C2CD3: variants seen among roughly 807,000 people sequenced by gnomAD.
C2CD3 encodes the protein C2 domain-containing protein 3.
Under a neutral mutation model 234.0 loss-of-function variants are expected in C2CD3, and 148 were observed. The observed-to-expected ratio is 0.63, with a 90% CI of 0.55 to 0.72. C2CD3 has a LOEUF of 0.72. Among genes scored for constraint, C2CD3 ranks in the 30% least tolerant of loss-of-function variants. The probability of loss-of-function intolerance (pLI) is 0.00; values close to 1 mark genes in which losing one functional copy is unlikely to be tolerated. For synonymous variants in C2CD3, 1,000 were observed against 1,035.4 expected, an observed-to-expected ratio of 0.97 and a Z score of 0.66; for missense variants, 2,577 against 2,811.5, an observed-to-expected ratio of 0.92 and a Z score of 1.89.
intron 2 of C2CD3, among the ~76,000 whole-genome samples, chr11:74,163,127 A>C (rs1246451935): frequency 2.0e-5 from 3 of 152,190 alleles, no homozygotes; most frequent in Non-Finnish European, 4.4e-5. Context: ...CGTTTTCAGC[A>C]TTTGTTAATA....
At chr11:74,069,487 C>A (rs1049905523) in intron 24 of C2CD3, among the ~76,000 whole-genome samples, 1 of 152,208 alleles carries the variant, frequency 6.6e-6, no homozygotes, top group African/African-American at 2.4e-5. Context: ...AAAATAACAA[C>A]TTCTCATATT....
chr11:74,029,271 A>G (rs1362382505), intron 31 of C2CD3, among the ~76,000 whole-genome samples: 1 of 152,144 alleles, frequency 6.6e-6, no homozygotes, highest in Non-Finnish European at 1.5e-5. Flanking sequence ...TTTAATAAGT[A>G]TGGTTCTCAC....
At chr11:74,124,919 C>T (rs1482927632) in intron 7 of C2CD3, among the ~76,000 whole-genome samples, 1 of 152,118 alleles carries the variant, frequency 6.6e-6, no homozygotes, top group Non-Finnish European at 1.5e-5. Flanking sequence ...ATTCACCTGT[C>T]TATGATATAC....
intron 9 of C2CD3, among the ~76,000 whole-genome samples, chr11:74,116,027 A>C (rs1956916238): frequency 6.6e-6 from 1 of 152,342 alleles, no homozygotes; most frequent in Admixed American, 6.5e-5. Flanking sequence ...AAATTCTAGA[A>C]GATAACAATG....
intron 24 of C2CD3, among the ~76,000 whole-genome samples, chr11:74,060,968 ATG>A (rs1345474204): frequency 6.6e-6 from 1 of 152,224 alleles, no homozygotes; most frequent in Non-Finnish European, 1.5e-5. Context: ...CACGAGAACT[ATG>A]TGATGTGTGC....
At chr11:74,138,329 G>A (rs1463844145) in intron 5 of C2CD3, among the ~76,000 whole-genome samples, 1 of 152,138 alleles carries the variant, frequency 6.6e-6, no homozygotes, top group East Asian at 1.9e-4. Flanking sequence ...AGAGTTTTCA[G>A]AATGTGAAAT....
chr11:74,124,714 A>AC (rs941040209), intron 7 of C2CD3, among the ~76,000 whole-genome samples: 9 of 152,196 alleles, frequency 5.9e-5, no homozygotes, highest in African/African-American at 2.2e-4. Context: ...TTTGAGACCT[A>AC]CTTCATTTTG....
chr11:74,041,955 C>T (rs935272244), intron 29 of C2CD3, 99 bp downstream of exon 29: 44 of 1,181,884 alleles, frequency 3.7e-5, no homozygotes, highest in Admixed American at 1.2e-4. Context: ...GTTCCTAGGG[C>T]GGTGGCAGGT....
intron 26 of C2CD3, 24 bp from the exon 27 acceptor site, chr11:74,049,566 G>C (rs1186596690): frequency 6.3e-7 from 1 of 1,592,534 alleles, no homozygotes; most frequent in East Asian, 2.2e-5. Context: ...AGAAGAGCTG[G>C]GCAATGTGGC....
rs780432699 is a variant in C2CD3 at position 74,138,983 on chromosome 11, G to C, written c.708-16C>G. On this transcript the variant is annotated splice_polypyrimidine_tract_variant and intron_variant, in intron 4 of 32. Coordinates refer to ENST00000334126, the MANE Select transcript of C2CD3 (RefSeq NM_001286577.2). ...GTCTTTTCCCCTGTTTTTTTAAAAA[G>C]GGAGAACATCAGCAATATATAATCT... is the stretch of plus-strand genomic sequence containing the variant. The C allele has an allele frequency of 3.8e-6, 6 of 1,591,570 alleles. No homozygotes were observed. Among genetic ancestry groups the C allele is most frequent in the Non-Finnish European group, 5.2e-6 (6 of 1,164,224 alleles).
intron 3 of C2CD3, among the ~76,000 whole-genome samples, chr11:74,151,938 T>G (rs1855693444): frequency 6.6e-6 from 1 of 152,074 alleles, no homozygotes; most frequent in African/African-American, 2.4e-5. Flanking sequence ...ATATGACTGA[T>G]GGGGTTAGAA....
chr11:74,137,020 T>C (rs567755488), intron 5 of C2CD3, among the ~76,000 whole-genome samples: 23 of 151,306 alleles, frequency 1.5e-4, no homozygotes, highest in African/African-American at 5.6e-4. Context: ...TGTTACCTTC[T>C]TTCTCTTTGC....
intron 24 of C2CD3, among the ~76,000 whole-genome samples, chr11:74,064,238 A>G (rs1197588307): frequency 6.6e-6 from 1 of 152,202 alleles, no homozygotes. Flanking sequence ...AAGTCTCAGA[A>G]TACAAAATCA....
At chr11:74,166,029 G>A (rs529932153) in intron 2 of C2CD3, among the ~76,000 whole-genome samples, 26 of 152,070 alleles carry the variant, frequency 1.7e-4, no homozygotes, top group African/African-American at 5.8e-4. Context: ...ACATCATGTC[G>A]GCCGGGTGCG....
intron 3 of C2CD3, among the ~76,000 whole-genome samples, chr11:74,143,984 T>A (rs2135549126): frequency 6.6e-6 from 1 of 152,336 alleles, no homozygotes; most frequent in South Asian, 2.1e-4. Context: ...TTGGCTCATT[T>A]CATCTAAGTT....
chr11:74,046,571 CTCCCATCTCAGCCTCCTAAA>C (rs1419995852), intron 28 of C2CD3, among the ~76,000 whole-genome samples: 2 of 152,174 alleles, frequency 1.3e-5, no homozygotes, highest in East Asian at 3.8e-4. Context: ...TCAAGCGATC[CTCCCATCTCAGCCTCCTAAA>C]GCACTGAGAT....
intron 31 of C2CD3, among the ~76,000 whole-genome samples, chr11:74,028,609 G>A (rs1045210232): frequency 2.6e-5 from 4 of 152,086 alleles, no homozygotes; most frequent in Non-Finnish European, 5.9e-5. Flanking sequence ...GTTCAAATCC[G>A]GCCTCCTCTA....
At chr11:74,146,091 T>C (rs1855166579) in intron 3 of C2CD3, among the ~76,000 whole-genome samples, 1 of 152,212 alleles carries the variant, frequency 6.6e-6, no homozygotes, top group Non-Finnish European at 1.5e-5. Context: ...TAATGAAAAC[T>C]GAATAAACAG....
intron 32 of C2CD3, among the ~76,000 whole-genome samples, chr11:74,023,707 A>G (rs983180759): frequency 6.6e-6 from 1 of 150,910 alleles, no homozygotes; most frequent in South Asian, 2.1e-4. Flanking sequence ...CCCTTTCTCT[A>G]TGGGATCATT....
Sources: gnomAD v4.1 joint callset for allele counts (sites outside exome capture counted in the v4.1 genomes callset) on GRCh38, gnomAD v4.1.1 for gene constraint, MANE v1.5 for transcripts, NCBI Gene and HGNC (gene_info 2026-07-23, HGNC 2026-07-21) for gene names.